Variants in RBM26 observed in about 807,000 individuals in gnomAD.
RBM26 encodes RNA binding motif protein 26.
A neutral mutation model predicts 123.6 loss-of-function variants in RBM26; 30 were observed. That is an observed-to-expected ratio of 0.24 (90% CI 0.18 to 0.33). The LOEUF is 0.33. Ranked by LOEUF, RBM26 falls within the 10% of genes least tolerant of loss-of-function variation. The pLI is 1.00. For missense variants in RBM26, 947 were observed against 1,203.6 expected, an observed-to-expected ratio of 0.79 and a Z score of 3.15; for synonymous variants, 400 against 404.4, an observed-to-expected ratio of 0.99 and a Z score of 0.13.
chr13:79,332,143 C>T (rs548447310), intron 20 of RBM26, among the ~76,000 whole-genome samples: 11 of 152,128 alleles, frequency 7.2e-5, no homozygotes, highest in African/African-American at 2.7e-4. Flanking sequence ...GATAATGGTC[C>T]AGAAAACAAG....
intron 9 of RBM26, among the ~76,000 whole-genome samples, chr13:79,362,898 C>T (rs2074866765): frequency 6.6e-6 from 1 of 152,154 alleles, no homozygotes; most frequent in African/African-American, 2.4e-5. Context: ...TTGGTATATA[C>T]TCAGCAAATG....
In RBM26 at chr13:79,405,692, C is replaced by A; in HGVS notation, c.71+12G>T. The A allele has an allele frequency of 6.3e-7, 1 of 1,576,434 alleles. No homozygotes were observed. Among genetic ancestry groups the A allele is most frequent in the South Asian group, 1.1e-5 (1 of 88,644 alleles). The stretch of plus-strand genomic sequence containing the variant: ...TGCCATCCCTGCAAAGAGATATCCC[C>A]CGGATACTCACATGGGCTCGAGAGT... On this transcript the variant is annotated intron_variant, in intron 1 of 21. Transcript: ENST00000438737.
chr13:79,359,787 TAA>T (rs2074449718), intron 9 of RBM26, 101 bp from the exon 10 acceptor site: 13 of 224,832 alleles, frequency 5.8e-5, no homozygotes, highest in Non-Finnish European at 8.8e-5. Context: ...GGCTTTTGTC[TAA>T]ATATATATAT....
chr13:79,342,943 G>A, intron 16 of RBM26, 112 bp from the exon 17 acceptor site: 1 of 650,588 alleles, frequency 1.5e-6, no homozygotes, highest in Non-Finnish European at 2.5e-6. Context: ...TTTAGTTTAT[G>A]CATTCGTGAG....
At chr13:79,369,031 TAA>T (rs10710579) in intron 5 of RBM26, 41 bp from the exon 6 acceptor site, 10,717 of 1,018,822 alleles carry the variant, frequency 0.011, 1 homozygote, top group South Asian at 0.018. Context: ...TACACTGTAT[TAA>T]AAAAAAAAAA....
intron 20 of RBM26, among the ~76,000 whole-genome samples, chr13:79,327,089 A>G (rs764509176): frequency 3.9e-5 from 6 of 152,122 alleles, no homozygotes; most frequent in Non-Finnish European, 7.4e-5. Flanking sequence ...TGAGCTCAGG[A>G]GTTCAAGACC....
downstream of RBM26, among the ~76,000 whole-genome samples, chr13:79,316,195 GT>G (rs2067132936): frequency 4.1e-5 from 2 of 49,158 alleles, no homozygotes; most frequent in Admixed American, 2.4e-4. Flanking sequence ...TGGGGCAGGT[GT>G]GTGTGTGTGT....
At chr13:79,380,099 C>T (rs192021715) in intron 1 of RBM26, among the ~76,000 whole-genome samples, 12 of 152,240 alleles carry the variant, frequency 7.9e-5, no homozygotes, top group East Asian at 3.9e-4. Flanking sequence ...TTTACATCTA[C>T]GAATTTATTC....
intron 14 of RBM26, 40 bp from the exon 15 acceptor site, chr13:79,344,834 C>T (rs745337223): frequency 8.8e-6 from 14 of 1,591,206 alleles, no homozygotes; most frequent in Admixed American, 8.7e-5. Context: ...ATATATCAGC[C>T]GTTCATGATA....
At chr13:79,371,559 C>T (rs2075881114) in intron 4 of RBM26, among the ~76,000 whole-genome samples, 1 of 150,650 alleles carries the variant, frequency 6.6e-6, no homozygotes, top group African/African-American at 2.4e-5. Context: ...ATGGAAACAG[C>T]AGGCAAAAAA....
chr13:79,394,015 C>T (rs1421811741), intron 1 of RBM26, among the ~76,000 whole-genome samples: 1 of 152,194 alleles, frequency 6.6e-6, no homozygotes, highest in African/African-American at 2.4e-5. Flanking sequence ...CTTAAACACA[C>T]ACTTCCTATT....
chr13:79,371,020 A>G lies in RBM26; in HGVS notation c.559T>C (p.Trp187Arg), dbSNP rs772740583. ...CTCTCACGAAGCCTCTCTTTACTCC[A>G]ACTTCGACTTCGACTCCTGCTATAA... Reference protein sequence around the residue: ...RSYSRSRSRSWSKERLRERDR... With the variant: ...RSYSRSRSRSRSKERLRERDR... Residue 187 changes from tryptophan to arginine, a missense_variant, in exon 5 of 22, where the codon TGG (tryptophan) becomes CGG (arginine). Trp to Arg is a moderately radical substitution (Grantham distance 101, BLOSUM62 -3). Coordinates refer to ENST00000438737, the MANE Select transcript of RBM26 (RefSeq NM_001366735.2). The G allele has an allele frequency of 1.2e-6, 2 of 1,609,960 alleles. No individual in the cohort carries two copies. The highest frequency in any genetic ancestry group is 2.2e-5 in the East Asian group (1 of 44,862).
intron 14 of RBM26, among the ~76,000 whole-genome samples, chr13:79,348,648 T>C (rs2072713435): frequency 1.3e-5 from 2 of 152,138 alleles, no homozygotes; most frequent in South Asian, 4.1e-4. Flanking sequence ...TGAGGAGCTA[T>C]GTGTAGGAAA....
intron 1 of RBM26, among the ~76,000 whole-genome samples, chr13:79,385,495 T>C (rs1428139273): frequency 6.6e-6 from 1 of 152,182 alleles, no homozygotes; most frequent in Non-Finnish European, 1.5e-5. Flanking sequence ...CCAGTTCTTT[T>C]ATTCCCCCAC....
intron 1 of RBM26, chr13:79,389,548 C>G (rs1275150992): frequency 1.3e-5 from 2 of 152,192 alleles, no homozygotes; most frequent in African/African-American, 4.8e-5. Context: ...TATAGTCTCT[C>G]ATCCATGTAC....
intron 9 of RBM26, among the ~76,000 whole-genome samples, chr13:79,365,225 T>C (rs1566463724): frequency 6.6e-6 from 1 of 152,070 alleles, no homozygotes; most frequent in East Asian, 1.9e-4. Flanking sequence ...GGCGGATCAC[T>C]TGAGGTCAGA....
chr13:79,341,283 C>T, intron 17 of RBM26, 56 bp from the exon 18 acceptor site: 3 of 1,126,680 alleles, frequency 2.7e-6, no homozygotes, highest in Non-Finnish European at 3.9e-6. Flanking sequence ...TGTATTGATA[C>T]AAACCTTTTT....
At chr13:79,373,338 T>C (rs2076206410) in intron 3 of RBM26, among the ~76,000 whole-genome samples, 1 of 105,256 alleles carries the variant, frequency 9.5e-6, no homozygotes, top group African/African-American at 3.9e-5. Context: ...ATAAAATATA[T>C]ATTATATATA....
chr13:79,375,553 C>G (rs1428184747), intron 3 of RBM26, among the ~76,000 whole-genome samples: 7 of 152,082 alleles, frequency 4.6e-5, no homozygotes, highest in East Asian at 1.9e-4. Context: ...CATTGCATAT[C>G]TCTATGTTGC....
Sources: gnomAD v4.1 joint callset for allele counts (sites outside exome capture counted in the v4.1 genomes callset) on GRCh38, gnomAD v4.1.1 for gene constraint, MANE v1.5 for transcripts, NCBI Gene and HGNC (gene_info 2026-07-23, HGNC 2026-07-21) for gene names.